RGS6: variants seen among roughly 807,000 people sequenced by gnomAD.
RGS6 encodes regulator of G-protein signaling 6.
RGS6 carries 30 observed loss-of-function variants against 78.5 expected under a neutral mutation model. The observed-to-expected ratio is 0.38, with a 90% confidence interval of 0.29 to 0.52. The LOEUF (loss-of-function observed/expected upper bound fraction) is 0.52. RGS6 is among the 20% of genes least tolerant of loss of function. The pLI, the probability that RGS6 is intolerant of heterozygous loss-of-function variation, is 0.85. For missense variants in RGS6, 495 were observed against 609.7 expected (o/e 0.81, Z 1.98); for synonymous variants, 206 against 206.0 (o/e 1.00, Z 0.00).
intron 3 of RGS6, among the ~76,000 whole-genome samples, chr14:72,386,184 A>G (rs930181294): frequency 5.9e-5 from 9 of 152,192 alleles, no homozygotes; most frequent in Non-Finnish European, 1.0e-4. Flanking sequence ...TCATCATTTT[A>G]TCTTACTTTC....
chr14:72,444,868 C>T (rs2095321958), intron 3 of RGS6, among the ~76,000 whole-genome samples: 1 of 152,302 alleles, frequency 6.6e-6, no homozygotes, highest in South Asian at 2.1e-4. Context: ...TAATGCCTCC[C>T]ACCTGTTCAA....
intron 2 of RGS6, among the ~76,000 whole-genome samples, chr14:72,033,200 A>G (rs778364091): frequency 6.6e-6 from 1 of 152,152 alleles, no homozygotes; most frequent in Non-Finnish European, 1.5e-5. Context: ...TACTGTACCA[A>G]TAGTAAAAAA....
chr14:71,914,921 G>A, the RGS6 span, among the ~76,000 whole-genome samples: 1 of 151,804 alleles, frequency 6.6e-6, no homozygotes, highest in Admixed American at 6.6e-5. Flanking sequence ...AGAAATGAAT[G>A]TGATGAACAG....
intron 14 of RGS6, among the ~76,000 whole-genome samples, chr14:72,512,716 G>A (rs1213819694): frequency 6.6e-6 from 1 of 152,220 alleles, no homozygotes; most frequent in Non-Finnish European, 1.5e-5. Flanking sequence ...AGCATAACTG[G>A]ATACATGGTG....
intron 2 of RGS6, among the ~76,000 whole-genome samples, chr14:72,135,218 G>A (rs561017950): frequency 1.3e-5 from 2 of 152,144 alleles, no homozygotes; most frequent in African/African-American, 2.4e-5. Flanking sequence ...TCTCTGAATG[G>A]CATTTAACAC....
chr14:72,223,129 T>G (rs1475982643), intron 2 of RGS6, among the ~76,000 whole-genome samples: 1 of 152,228 alleles, frequency 6.6e-6, no homozygotes, highest in African/African-American at 2.4e-5. Context: ...TGAAATTTTC[T>G]CGTTAGACTT....
chr14:72,485,305 G>C (rs1388403613), intron 12 of RGS6, among the ~76,000 whole-genome samples: 1 of 152,150 alleles, frequency 6.6e-6, no homozygotes, highest in Non-Finnish European at 1.5e-5. Flanking sequence ...GCTGTGTACT[G>C]TTATATGCTG....
chr14:72,180,135 C>T (rs929969960), intron 2 of RGS6, among the ~76,000 whole-genome samples: 10 of 152,188 alleles, frequency 6.6e-5, no homozygotes, highest in African/African-American at 2.4e-4. Flanking sequence ...TATTTCTCTT[C>T]CATTATTTGT....
chr14:72,020,592 A>C (rs533542815), intron 2 of RGS6, among the ~76,000 whole-genome samples: 2 of 152,302 alleles, frequency 1.3e-5, no homozygotes, highest in South Asian at 4.2e-4. Context: ...AAGTGTGACT[A>C]TTCTCCAAGG....
the RGS6 span, among the ~76,000 whole-genome samples, chr14:71,875,464 T>G: frequency 1.9e-4 from 29 of 152,228 alleles, no homozygotes; most frequent in Non-Finnish European, 3.7e-4. Context: ...GATGGTAGTT[T>G]GTATTTCTGT....
intron 2 of RGS6, among the ~76,000 whole-genome samples, chr14:72,318,093 G>A: frequency 6.6e-6 from 1 of 152,154 alleles, no homozygotes; most frequent in Admixed American, 6.5e-5. Flanking sequence ...AGCTGGGAAT[G>A]CCAACCAGAA....
At chr14:72,126,846 T>C (rs7151047) in intron 2 of RGS6, among the ~76,000 whole-genome samples, 8,504 of 152,200 alleles carry the variant, frequency 0.056, 266 homozygotes, top group Middle Eastern at 0.088. Flanking sequence ...CAGTAAGTAA[T>C]GCACAAAATG....
At chr14:72,383,607 C>G (rs1405926180) in intron 3 of RGS6, among the ~76,000 whole-genome samples, 1 of 152,122 alleles carries the variant, frequency 6.6e-6, no homozygotes, top group East Asian at 1.9e-4. Flanking sequence ...CTGATACCCT[C>G]CATTATGGGT....
chr14:72,162,663 A>G (rs1232540926), intron 2 of RGS6, among the ~76,000 whole-genome samples: 8 of 152,222 alleles, frequency 5.3e-5, no homozygotes, highest in African/African-American at 7.2e-5. Context: ...CGAGAGGAAA[A>G]GAAGTCATTA....
chr14:72,617,624 G>A, the RGS6 span, among the ~76,000 whole-genome samples: 1 of 152,190 alleles, frequency 6.6e-6, no homozygotes, highest in Admixed American at 6.5e-5. Context: ...AGGTCACTCT[G>A]CTGAAGCGTG....
intron 2 of RGS6, among the ~76,000 whole-genome samples, chr14:72,173,359 G>A (rs564138389): frequency 1.7e-4 from 26 of 152,226 alleles, no homozygotes; most frequent in African/African-American, 6.0e-4. Flanking sequence ...AGACTTTCCC[G>A]AGTGGGCATG....
intron 2 of RGS6, among the ~76,000 whole-genome samples, chr14:72,144,722 T>C (rs2096584866): frequency 6.6e-6 from 1 of 151,694 alleles, no homozygotes; most frequent in African/African-American, 2.4e-5. Context: ...CAGTTGAGTC[T>C]GGTAGAGGAG....
chr14:72,560,437 G>T (rs1464948301), intron 17 of RGS6, among the ~76,000 whole-genome samples: 1 of 152,166 alleles, frequency 6.6e-6, no homozygotes, highest in Non-Finnish European at 1.5e-5. Context: ...ACACCCCCAT[G>T]TTTCCTGCCT....
intron 2 of RGS6, among the ~76,000 whole-genome samples, chr14:72,255,234 G>A (rs1409319967): frequency 1.3e-5 from 2 of 152,154 alleles, no homozygotes; most frequent in African/African-American, 4.8e-5. Flanking sequence ...GTCCCCGGTT[G>A]TCTCATACCT....
Sources: allele counts gnomAD v4.1 joint callset (sites outside exome capture counted in the v4.1 genomes callset), GRCh38; gene constraint gnomAD v4.1.1; transcripts MANE v1.5; gene names NCBI Gene and HGNC (gene_info 2026-07-23, HGNC 2026-07-21).